RASGRF2: variants seen among roughly 807,000 people sequenced by gnomAD.
RASGRF2 encodes Ras protein specific guanine nucleotide releasing factor 2, also known as ras-specific guanine nucleotide-releasing factor 2.
RASGRF2 carries 76 observed loss-of-function variants against 151.0 expected under a neutral mutation model. That is an observed-to-expected ratio of 0.50 (90% CI 0.42 to 0.61). The LOEUF is 0.61. Ranked by LOEUF, RASGRF2 falls within the 20% of genes least tolerant of loss-of-function variation. The probability of loss-of-function intolerance (pLI) is 0.00; values close to 1 mark genes in which losing one functional copy is unlikely to be tolerated. For missense variants in RASGRF2, 1,148 were observed against 1,564.6 expected, an observed-to-expected ratio of 0.73 and a Z score of 4.49; for synonymous variants, 504 against 566.5, an observed-to-expected ratio of 0.89 and a Z score of 1.57.
chr5:81,108,981 C>A lies in RASGRF2; in HGVS notation c.1756-15C>A. On this transcript the variant is annotated splice_polypyrimidine_tract_variant and intron_variant, in intron 12 of 26. Coordinates refer to ENST00000265080, the MANE Select transcript of RASGRF2 (RefSeq NM_006909.3). ...CTTTCATGTGGGTTGTAATTGTCAA[C>A]TTTTTATTTCACAGTGTGTGGACAA... 2 of 1,590,926 alleles carry A rather than the reference C, an allele frequency of 1.3e-6. No individual in the cohort carries two copies. The highest frequency in any genetic ancestry group is 1.7e-6 in the Non-Finnish European group (2 of 1,164,330).
At chr5:81,172,459 G>A (rs1172628372) in intron 17 of RASGRF2, among the ~76,000 whole-genome samples, 3 of 151,854 alleles carry the variant, frequency 2.0e-5, no homozygotes, top group Admixed American at 1.3e-4. Context: ...GTGTGTGTGT[G>A]TGTGTGTGTG....
rs150930118 is a variant in RASGRF2, at chr5:81,067,340, A to G, written c.396-692A>G. ...GGAGGCAAAATTTTAGATACCACAG[A>G]ATTATATCATCAGTAAAAATCTGAG... On this transcript the variant is annotated intron_variant, in intron 2 of 26. Transcript: ENST00000265080. 1.6e-4 allele frequency among the ~76,000 whole-genome samples: 25 copies of G among 152,340 alleles called. No individual in the cohort carries two copies. The East Asian group carries it at 3.7e-3, about 22-fold the overall frequency.
chr5:81,207,237 C>T lies in RASGRF2; in HGVS notation c.2968-9C>T. 1 of 1,612,702 alleles carries T rather than the reference C, an allele frequency of 6.2e-7. No homozygotes were observed. Among genetic ancestry groups the T allele is most frequent in the Non-Finnish European group, 8.5e-7 (1 of 1,178,740 alleles). ...TGGGTGTTTCATTTCCCTCCCTCAT[C>T]TCTTGCAGACTGACTGCATGAAGGC... On this transcript the variant is annotated splice_polypyrimidine_tract_variant and intron_variant, in intron 20 of 26. Transcript: ENST00000265080.
At chr5:81,222,426 G>A (rs142583860) in intron 26 of RASGRF2, among the ~76,000 whole-genome samples, 2 of 152,238 alleles carry the variant, frequency 1.3e-5, no homozygotes, top group African/African-American at 4.8e-5. Flanking sequence ...CCTTCTGTCT[G>A]GAGTGCCCTT....
intron 1 of RASGRF2, chr5:81,019,617 G>A (rs760767017): frequency 7.2e-5 from 11 of 152,106 alleles, no homozygotes; most frequent in Non-Finnish European, 1.5e-5. Flanking sequence ...TTAAAACCCT[G>A]CATTACTGTC....
At chr5:81,224,885 G>C (rs1314368243) in intron 26 of RASGRF2, among the ~76,000 whole-genome samples, 2 of 152,248 alleles carry the variant, frequency 1.3e-5, no homozygotes, top group Non-Finnish European at 2.9e-5. Flanking sequence ...TCCAAGAGCA[G>C]ATTGACCGAG....
At chr5:81,135,438 C>T (rs916830217) in intron 17 of RASGRF2, among the ~76,000 whole-genome samples, 2 of 152,222 alleles carry the variant, frequency 1.3e-5, no homozygotes, top group Non-Finnish European at 2.9e-5. Context: ...CTATTTGTCT[C>T]TTCCTCTAGC....
At position 81,034,808 on chromosome 5, in the gene RASGRF2, A is replaced by T. The variant is rs838303; in HGVS notation, c.289-8069A>T. Among the ~76,000 whole-genome samples, 50 of 98,976 alleles carry T rather than the reference A, an allele frequency of 5.1e-4. 1 individual carries two copies. The highest frequency in any genetic ancestry group is 1.5e-3 in the African/African-American group (38 of 24,692). 64.9% of individuals were successfully genotyped at this position (98,976 alleles called of 152,430 possible). A position where few individuals can be genotyped will look rare whatever the true frequency, so the allele number is the denominator to read the frequency against. On this transcript the variant is annotated intron_variant, in intron 1 of 26. Transcript: ENST00000265080. ...ACTCTGGGGACTGTTGTGGGGTGGG[A>T]GGGGGGTAGGGATAGCATTGGGAGA...
intron 1 of RASGRF2, among the ~76,000 whole-genome samples, chr5:80,962,442 A>C (rs1449116082): frequency 6.6e-6 from 1 of 152,108 alleles, no homozygotes; most frequent in Non-Finnish European, 1.5e-5. Flanking sequence ...ATTTTTTTTA[A>C]GGTATGTGTT....
chr5:81,223,628 G>C (rs547958901), intron 26 of RASGRF2, among the ~76,000 whole-genome samples: 2 of 151,458 alleles, frequency 1.3e-5, no homozygotes, highest in Non-Finnish European at 2.9e-5. Context: ...GCGACAGAGC[G>C]AGACTCCGTC....
intron 17 of RASGRF2, among the ~76,000 whole-genome samples, chr5:81,170,434 C>G (rs1262836387): frequency 6.6e-6 from 1 of 152,234 alleles, no homozygotes; most frequent in Non-Finnish European, 1.5e-5. Flanking sequence ...TTAAAAGAAG[C>G]TTGGTGATTT....
At chr5:81,034,277 A>G (rs1750384362) in intron 1 of RASGRF2, among the ~76,000 whole-genome samples, 1 of 152,262 alleles carries the variant, frequency 6.6e-6, no homozygotes, top group South Asian at 2.1e-4. Flanking sequence ...TAGAATGGCA[A>G]TCATTAAAAA....
At position 81,095,808 on chromosome 5, in the gene RASGRF2, A is replaced by G. The variant is rs1368688560; in HGVS notation, c.1755+816A>G. ...TAAGACAAGTGGAAACATGAATTCT[A>G]TCATAGTTATTTGGAACTTAATTCT... On this transcript the variant is annotated intron_variant, in intron 12 of 26. Coordinates refer to ENST00000265080, the MANE Select transcript of RASGRF2 (RefSeq NM_006909.3). 5.9e-5 allele frequency among the ~76,000 whole-genome samples: 9 copies of G among 152,212 alleles called. No individual in the cohort carries two copies. In the East Asian group the frequency reaches 1.5e-3, roughly 26 times the overall value.
At chr5:81,112,544 A>G in intron 13 of RASGRF2, 66 bp from the exon 14 acceptor site, 1 of 1,599,638 alleles carries the variant, frequency 6.3e-7, no homozygotes, top group East Asian at 2.2e-5. Flanking sequence ...AAACGCTGAA[A>G]TATTCAGTGG....
chr5:80,985,550 C>T (rs1259002859), intron 1 of RASGRF2, among the ~76,000 whole-genome samples: 4 of 152,130 alleles, frequency 2.6e-5, no homozygotes, highest in African/African-American at 9.7e-5. Flanking sequence ...TCACGTGTTG[C>T]AAACAAATTG....
At chr5:81,124,944 G>A (rs1753411389) in intron 16 of RASGRF2, among the ~76,000 whole-genome samples, 2 of 151,808 alleles carry the variant, frequency 1.3e-5, no homozygotes, top group South Asian at 4.1e-4. Context: ...CTGGAGTACA[G>A]TGGTGCAATC....
intron 1 of RASGRF2, among the ~76,000 whole-genome samples, chr5:80,999,065 A>G (rs1748993412): frequency 1.3e-5 from 2 of 152,124 alleles, no homozygotes; most frequent in Non-Finnish European, 2.9e-5. Context: ...TTTGGCAAAT[A>G]GACCCCAAAT....
chr5:81,070,602 G>A lies in RASGRF2; in HGVS notation c.633+21G>A, dbSNP rs1751742722. The A allele has an allele frequency of 4.5e-6, 7 of 1,558,418 alleles. No homozygotes were observed. In the Middle Eastern group the frequency reaches 5.0e-4, roughly 112 times the overall value. On this transcript the variant is annotated intron_variant, in intron 4 of 26. Transcript: ENST00000265080. ...AAAAGGTAGGGCCTGGAGGTTTCCA[G>A]CTTTGTAGGAGCATGGTGACCAGTC...
intron 1 of RASGRF2, among the ~76,000 whole-genome samples, chr5:81,028,199 G>T (rs1029473291): frequency 6.6e-6 from 1 of 151,500 alleles, no homozygotes; most frequent in African/African-American, 2.4e-5. Context: ...CATCAGAAAT[G>T]CAAACAATTA....
Sources: gnomAD v4.1 joint callset for allele counts (sites outside exome capture counted in the v4.1 genomes callset) on GRCh38, gnomAD v4.1.1 for gene constraint, MANE v1.5 for transcripts, NCBI Gene and HGNC (gene_info 2026-07-23, HGNC 2026-07-21) for gene names.